Variants in PCDHGA3 observed in about 807,000 individuals in gnomAD.
PCDHGA3 encodes the protein protocadherin gamma subfamily A, 3.
In PCDHGA3, 40 loss-of-function variants were observed where a neutral mutation model predicts 58.5. The ratio of observed to expected loss-of-function variants is 0.68; its 90% CI spans 0.53 to 0.89. The LOEUF is 0.89. Among genes scored for constraint, PCDHGA3 ranks in the 40% least tolerant of loss-of-function variants. The pLI, the probability that PCDHGA3 is intolerant of heterozygous loss-of-function variation, is 0.00. For synonymous variants in PCDHGA3, 530 were observed against 525.7 expected (o/e 1.01, Z -0.11); for missense variants, 1,223 against 1,195.9 (o/e 1.02, Z -0.33).
Position 141,423,508 on chromosome 5 carries a change from A to T in PCDHGA3, c.2425-71299A>T, listed in dbSNP as rs962526072. ...AACCTATTCCCACGAGGTCTCTCTCATTGCGGACTCGCAGAAGAGTCACCT... is the reference window on the plus strand; with the variant it reads ...AACCTATTCCCACGAGGTCTCTCTCTTTGCGGACTCGCAGAAGAGTCACCT... On this transcript the variant is annotated intron_variant, in intron 1 of 3. Coordinates refer to ENST00000253812, the MANE Select transcript of PCDHGA3 (RefSeq NM_018916.4). The T allele has an allele frequency of 9.9e-6, 16 of 1,613,742 alleles. No homozygotes were observed. The highest frequency in any genetic ancestry group is 1.6e-4 in the Middle Eastern group (1 of 6,084).
At position 141,410,774 on chromosome 5, in the gene PCDHGA3, C is replaced by T; in HGVS notation, c.2424+64317C>T. 4 of 955,126 alleles carry T rather than the reference C, an allele frequency of 4.2e-6. No individual in the cohort carries two copies. The South Asian group carries it at 6.1e-5, about 15-fold the overall frequency. The allele number at this position is 955,126 out of a possible 1,614,324, so 59.2% of individuals were successfully genotyped here. ...AATGTTTTTTCAATTATAGTTTTCA[C>T]TATGTATTTGGTTCATAAGTTGCTC... On this transcript the variant is annotated intron_variant, in intron 1 of 3. Coordinates refer to ENST00000253812, the MANE Select transcript of PCDHGA3 (RefSeq NM_018916.4).
intron 1 of PCDHGA3, chr5:141,399,765 G>A: frequency 6.2e-7 from 1 of 1,613,356 alleles, no homozygotes; most frequent in African/African-American, 1.3e-5. Flanking sequence ...GCCTGCGCGT[G>A]TTGGTGGGCG....
intron 1 of PCDHGA3, among the ~76,000 whole-genome samples, chr5:141,406,594 G>A (rs1463823326): frequency 1.3e-5 from 2 of 152,068 alleles, no homozygotes; most frequent in Non-Finnish European, 2.9e-5. Context: ...CCCTTTAATG[G>A]TGAAAGTTGT....
intron 1 of PCDHGA3, chr5:141,375,627 A>T (rs1561569034): frequency 6.2e-7 from 1 of 1,614,066 alleles, no homozygotes; most frequent in Non-Finnish European, 8.5e-7. Flanking sequence ...GGGATTCTGT[A>T]CGCCCTGCGC....
At chr5:141,449,658 C>T (rs1413506303) in intron 1 of PCDHGA3, among the ~76,000 whole-genome samples, 5 of 149,582 alleles carry the variant, frequency 3.3e-5, no homozygotes, top group Admixed American at 3.3e-4. Flanking sequence ...TTTACATACA[C>T]ACCCAAGTGT....
At chr5:141,400,052 T>C in intron 1 of PCDHGA3, 1 of 1,613,686 alleles carries the variant, frequency 6.2e-7, no homozygotes, top group Non-Finnish European at 8.5e-7. Context: ...CTGGTTGCTG[T>C]GCGTGATGGT....
chr5:141,489,293 T>G lies in PCDHGA3; in HGVS notation c.2425-5514T>G. The G allele has an allele frequency of 6.3e-7, 1 of 1,579,940 alleles. No homozygotes were observed. Among genetic ancestry groups the G allele is most frequent in the Non-Finnish European group, 8.6e-7 (1 of 1,162,928 alleles). ...GCTGGGAAATGGCAAGTGCTGTGCA[T>G]GTTGTCCTTGTGCTGCTGGGGCTGG... On this transcript the variant is annotated intron_variant, in intron 1 of 3. Transcript: ENST00000253812. This position sits in a 1 kb window ranked among gnomAD's most constrained non-coding sequence, Gnocchi z 4.5.
chr5:141,344,188 T>TG lies in PCDHGA3; in HGVS notation c.159dup (p.Leu54AlafsTer18). The TG allele has an allele frequency of 6.2e-7, 1 of 1,614,012 alleles. No homozygotes were observed. The highest frequency in any genetic ancestry group is 8.5e-7 in the Non-Finnish European group (1 of 1,179,886). ...TTCGTGGGCAACATCGCTAACGACC[T>TG]GGGGCTAGAGCCCCGGGAGCTGGCG... On this transcript the variant is annotated frameshift_variant, in exon 1 of 4. Transcript: ENST00000253812. LOFTEE classifies it high-confidence loss of function.
chr5:141,497,125 G>A (rs968031174), intron 2 of PCDHGA3, among the ~76,000 whole-genome samples: 1 of 152,094 alleles, frequency 6.6e-6, no homozygotes, highest in South Asian at 2.1e-4. Context: ...GGCAGAGGTT[G>A]CAGTGAGCTG....
chr5:141,415,603 T>C, intron 1 of PCDHGA3: 6 of 1,613,954 alleles, frequency 3.7e-6, no homozygotes, highest in Non-Finnish European at 5.1e-6. Flanking sequence ...GGATACCCCA[T>C]TGGTTCCAGT....
chr5:141,356,151 A>G, intron 1 of PCDHGA3: 1 of 1,613,466 alleles, frequency 6.2e-7, no homozygotes, highest in Non-Finnish European at 8.5e-7. Flanking sequence ...TCTATGACAT[A>G]GATGTAGAAG....
intron 1 of PCDHGA3, chr5:141,383,947 A>T (rs757638644): frequency 6.2e-7 from 1 of 1,613,788 alleles, no homozygotes; most frequent in Non-Finnish European, 8.5e-7. Context: ...AGTGACTATG[A>T]CGTCTTTAAG....
intron 1 of PCDHGA3, chr5:141,355,064 T>C (rs1759705435): frequency 7.5e-7 from 1 of 1,325,416 alleles, no homozygotes; most frequent in Non-Finnish European, 1.0e-6. Context: ...GCTCTGGAGC[T>C]TTATGAAAGC....
intron 1 of PCDHGA3, among the ~76,000 whole-genome samples, chr5:141,483,575 A>G (rs1165739266): frequency 6.6e-6 from 1 of 152,194 alleles, no homozygotes; most frequent in Non-Finnish European, 1.5e-5. Flanking sequence ...GAATTCTGGC[A>G]TAAACACCTA....
At chr5:141,387,844 G>A in intron 1 of PCDHGA3, 1 of 1,597,594 alleles carries the variant, frequency 6.3e-7, no homozygotes, top group South Asian at 1.1e-5. Flanking sequence ...TTGTAACCCG[G>A]CGTCTCCAGG....
intron 1 of PCDHGA3, among the ~76,000 whole-genome samples, chr5:141,443,592 G>A (rs2098395439): frequency 6.6e-6 from 1 of 152,076 alleles, no homozygotes; most frequent in Admixed American, 6.6e-5. Context: ...AACAGAATGT[G>A]GTATATGAAA....
In PCDHGA3 at chr5:141,345,289, A is replaced by G; in HGVS notation, c.1256A>G (p.Asn419Ser). 1.2e-6 allele frequency: 2 copies of G among 1,613,988 alleles called. No individual in the cohort carries two copies. Among genetic ancestry groups the G allele is most frequent in the Non-Finnish European group, 1.7e-6 (2 of 1,179,882 alleles). Residue 419 changes from asparagine (N) to serine (S), a missense_variant, in exon 1 of 4, where the codon AAC becomes AGC. Coordinates refer to ENST00000253812, the MANE Select transcript of PCDHGA3 (RefSeq NM_018916.4). Reference sequence around the variant, plus strand: ...GACCGCGAACAAATATCAGAATATAACATTAGTCTGAGAGCCTCAGATGGG... The same window carrying G: ...GACCGCGAACAAATATCAGAATATAGCATTAGTCTGAGAGCCTCAGATGGG... ...SLDREQISEY[N>S]ISLRASDGGS...
chr5:141,371,328 A>G, intron 1 of PCDHGA3: 1 of 1,614,010 alleles, frequency 6.2e-7, no homozygotes, highest in Non-Finnish European at 8.5e-7. Flanking sequence ...CTTTGAAGAG[A>G]GAGATAGCTA....
intron 1 of PCDHGA3, chr5:141,398,058 T>C (rs921277104): frequency 2.0e-6 from 3 of 1,525,504 alleles, no homozygotes; most frequent in African/African-American, 1.4e-5. Flanking sequence ...GATCCAAAAA[T>C]CTACAATACA....
Sources: allele counts gnomAD v4.1 joint callset (sites outside exome capture counted in the v4.1 genomes callset), GRCh38; gene constraint gnomAD v4.1.1; non-coding constraint Gnocchi (gnomAD v3.1); transcripts MANE v1.5; gene names NCBI Gene and HGNC (gene_info 2026-07-23, HGNC 2026-07-21).